The following SLC7A11 variants were observed in gnomAD, a reference collection of about 807,000 sequenced individuals.
SLC7A11 encodes solute carrier family 7 member 11, also known as cystine/glutamate transporter.
A neutral mutation model predicts 54.5 loss-of-function variants in SLC7A11; 35 were observed. The ratio of observed to expected loss-of-function variants is 0.64; its 90% CI spans 0.49 to 0.85. The LOEUF is 0.85. Among genes scored for constraint, SLC7A11 ranks in the 40% least tolerant of loss-of-function variants. The pLI, the probability that SLC7A11 is intolerant of heterozygous loss-of-function variation, is 0.00. For synonymous variants in SLC7A11, 230 were observed against 225.2 expected (o/e 1.02, Z -0.19); for missense variants, 583 against 618.1 (o/e 0.94, Z 0.60).
chr4:138,196,706 C>A (rs537469492), intron 6 of SLC7A11, among the ~76,000 whole-genome samples: 1 of 151,838 alleles, frequency 6.6e-6, no homozygotes, highest in East Asian at 1.9e-4. Flanking sequence ...GTCACCCGGG[C>A]GGGAGTGCAA....
At chr4:138,203,977 T>C (rs1049433164) in intron 6 of SLC7A11, among the ~76,000 whole-genome samples, 2 of 152,200 alleles carry the variant, frequency 1.3e-5, no homozygotes, top group African/African-American at 4.8e-5. Flanking sequence ...CAAAACAGTC[T>C]ACATACTATT....
intron 6 of SLC7A11, among the ~76,000 whole-genome samples, chr4:138,193,773 TG>T (rs1737068036): frequency 6.6e-6 from 1 of 152,160 alleles, no homozygotes; most frequent in Non-Finnish European, 1.5e-5. Context: ...CACTCCAGCC[TG>T]GGCAACAAGA....
At chr4:138,215,134 C>G (rs899691203) in intron 5 of SLC7A11, among the ~76,000 whole-genome samples, 1 of 152,104 alleles carries the variant, frequency 6.6e-6, no homozygotes, top group Non-Finnish European at 1.5e-5. Context: ...CACCCGTACA[C>G]TGCAGTACAA....
chr4:138,195,454 A>G (rs1307670951), intron 6 of SLC7A11, among the ~76,000 whole-genome samples: 1 of 152,178 alleles, frequency 6.6e-6, no homozygotes, highest in Non-Finnish European at 1.5e-5. Flanking sequence ...AAGCAAAGGG[A>G]TAAAGACATC....
intron 6 of SLC7A11, among the ~76,000 whole-genome samples, chr4:138,198,843 C>G (rs941524689): frequency 6.6e-6 from 1 of 152,066 alleles, no homozygotes; most frequent in Non-Finnish European, 1.5e-5. Flanking sequence ...CACATCCCCA[C>G]AAAGAAATAT....
rs1736293883 is a variant in SLC7A11 at position 138,167,319 on chromosome 4, T to G, written c.*4637A>C. On this transcript the variant is annotated 3_prime_UTR_variant, in exon 12 of 12. Transcript: ENST00000280612. ...GGCGCCTGCCACCACGCCCGGCTAA[T>G]TTTTATATTTTTAGTTGAGACAGGG... The G allele has an allele frequency of 6.6e-6, 1 of 151,712 alleles. No individual in the cohort carries two copies. Among genetic ancestry groups the G allele is most frequent in the South Asian group, 2.1e-4 (1 of 4,816 alleles). 9.4% of individuals were successfully genotyped at this position (151,712 alleles called of 1,614,324 possible). A position where few individuals can be genotyped will look rare whatever the true frequency, so the allele number is the denominator to read the frequency against.
At chr4:138,231,069 G>A (rs1238544401) in intron 3 of SLC7A11, among the ~76,000 whole-genome samples, 1 of 152,090 alleles carries the variant, frequency 6.6e-6, no homozygotes, top group Non-Finnish European at 1.5e-5. Context: ...ACTATTTTAA[G>A]TGGAATTAAA....
At position 138,183,083 on chromosome 4, in the gene SLC7A11, C is replaced by T. The variant is rs1430791881; in HGVS notation, c.1019+119G>A. On this transcript the variant is annotated intron_variant, in intron 8 of 11. Transcript: ENST00000280612. ...TACTTGGACCAATATTTCAATCTTG[C>T]ATGTCCCTTTAAAAACAACAGGTTT... 7.2e-6 allele frequency: 5 copies of T among 690,806 alleles called. No homozygotes were observed. The South Asian group carries it at 9.4e-5, about 13-fold the overall frequency. 42.8% of individuals were successfully genotyped at this position (690,806 alleles called of 1,614,324 possible).
chr4:138,225,175 T>C (rs1737918968), intron 3 of SLC7A11, among the ~76,000 whole-genome samples: 2 of 141,412 alleles, frequency 1.4e-5, no homozygotes, highest in Non-Finnish European at 3.1e-5. Flanking sequence ...TATATATAAA[T>C]AAAATCATTA....
intron 11 of SLC7A11, among the ~76,000 whole-genome samples, chr4:138,175,065 A>G (rs1736535779): frequency 6.6e-6 from 1 of 152,182 alleles, no homozygotes; most frequent in African/African-American, 2.4e-5. Context: ...CTTACAATGA[A>G]GATAGTTTGG....
chr4:138,191,765 C>T (rs547018164), intron 6 of SLC7A11, among the ~76,000 whole-genome samples: 26 of 152,184 alleles, frequency 1.7e-4, no homozygotes, highest in African/African-American at 6.0e-4. Context: ...ATTTCATACA[C>T]ACAAAAAATT....
At chr4:138,230,646 G>A (rs938208106) in intron 3 of SLC7A11, among the ~76,000 whole-genome samples, 1 of 152,110 alleles carries the variant, frequency 6.6e-6, no homozygotes, top group African/African-American at 2.4e-5. Context: ...AGCCTAAACT[G>A]TAACCACTAT....
At chr4:138,231,427 C>A (rs1257581733) in intron 3 of SLC7A11, among the ~76,000 whole-genome samples, 5 of 152,060 alleles carry the variant, frequency 3.3e-5, no homozygotes, top group Admixed American at 6.6e-5. Flanking sequence ...AACACCTTAG[C>A]CATACAAACT....
Position 138,179,382 on chromosome 4 carries a change from T to A in SLC7A11, c.1279A>T (p.Ile427Phe). ...MHRPFKVPLFIPALFSFTCLF... is the reference protein window; with the variant it reads ...MHRPFKVPLFFPALFSFTCLF... ...CATGTGAAGGAAAACAAAGCTGGGA[T>A]GAACAGTGGCACCTGGAACACAGAA... The change falls in exon 11 of 12, where the codon ATC (isoleucine) becomes TTC (phenylalanine). Residue 427 changes from isoleucine to phenylalanine, a missense_variant. Transcript: ENST00000280612. 1 of 1,611,734 alleles carries A rather than the reference T, an allele frequency of 6.2e-7. No individual in the cohort carries two copies. The highest frequency in any genetic ancestry group is 8.5e-7 in the Non-Finnish European group (1 of 1,178,898).
rs752680028 is a variant in SLC7A11, at chr4:138,170,271, T to TATACACACAC, written c.*1684_*1685insGTGTGTGTAT. On this transcript the variant is annotated 3_prime_UTR_variant, in exon 12 of 12. Coordinates refer to ENST00000280612, the MANE Select transcript of SLC7A11 (RefSeq NM_014331.4). ...GTGTGTATATATATATATATATATATACACACACACACACACACACACATA... is the reference window on the plus strand; with the variant it reads ...GTGTGTATATATATATATATATATATATACACACACACACACACACACACACACACACATA... 218 of 86,216 alleles carry TATACACACAC rather than the reference T, an allele frequency of 2.5e-3. No individual in the cohort carries two copies. In the East Asian group the frequency reaches 0.033, roughly 13 times the overall value. The allele number at this position is 86,216 out of a possible 1,614,324, so 5.3% of individuals were successfully genotyped here.
rs534191109 is a variant in SLC7A11 at position 138,223,113 on chromosome 4, A to T, written c.646+86T>A. The T allele has an allele frequency of 6.8e-5, 82 of 1,200,162 alleles. 1 individual carries two copies. The South Asian group carries it at 1.1e-3, about 16-fold the overall frequency. The allele number at this position is 1,200,162 out of a possible 1,614,324, so 74.3% of individuals were successfully genotyped here. On this transcript the variant is annotated intron_variant, in intron 4 of 11. Transcript: ENST00000280612. ...TTCCACAGGCAGAGACTAATTAAGGATTCTGTTAGTACAAGCAAAAGTTAG... is the reference window on the plus strand; with the variant it reads ...TTCCACAGGCAGAGACTAATTAAGGTTTCTGTTAGTACAAGCAAAAGTTAG...
rs957022119 is a variant in SLC7A11 at position 138,170,735 on chromosome 4, T to C, written c.*1221A>G. 3 of 152,136 alleles carry C rather than the reference T, an allele frequency of 2.0e-5. No homozygotes were observed. Among genetic ancestry groups the C allele is most frequent in the African/African-American group, 7.2e-5 (3 of 41,432 alleles). 9.4% of individuals were successfully genotyped at this position (152,136 alleles called of 1,614,324 possible). On this transcript the variant is annotated 3_prime_UTR_variant, in exon 12 of 12. Transcript: ENST00000280612. ...TTTGCAAGTTGAATGATAATTAAGG[T>C]GTGGAAATTACTGACAAAGCCTAGA...
At chr4:138,226,283 C>T (rs139072371) in intron 3 of SLC7A11, among the ~76,000 whole-genome samples, 3 of 152,204 alleles carry the variant, frequency 2.0e-5, no homozygotes, top group African/African-American at 4.8e-5. Flanking sequence ...TATGATCCAG[C>T]AATCCCATTG....
At chr4:138,215,306 T>A (rs1737654767) in intron 5 of SLC7A11, among the ~76,000 whole-genome samples, 1 of 152,130 alleles carries the variant, frequency 6.6e-6, no homozygotes, top group African/African-American at 2.4e-5. Context: ...ACCTTTTACA[T>A]AGGTATGCAG....
Sources: gnomAD v4.1 joint callset for allele counts (sites outside exome capture counted in the v4.1 genomes callset) on GRCh38, gnomAD v4.1.1 for gene constraint, MANE v1.5 for transcripts, NCBI Gene and HGNC (gene_info 2026-07-23, HGNC 2026-07-21) for gene names.